Variants in TAF4B observed in about 807,000 individuals in gnomAD.
TAF4B encodes TATA-box binding protein associated factor 4b, also known as transcription initiation factor TFIID subunit 4B.
In TAF4B, 38 loss-of-function variants were observed where a neutral mutation model predicts 86.4. The observed-to-expected ratio is 0.44, with a 90% CI of 0.34 to 0.58. The LOEUF is 0.58. TAF4B is among the 20% of genes least tolerant of loss of function. The pLI is 0.02. For missense variants in TAF4B, 988 were observed against 1,027.6 expected, an observed-to-expected ratio of 0.96 and a Z score of 0.53; for synonymous variants, 388 against 391.2, an observed-to-expected ratio of 0.99 and a Z score of 0.10.
intron 13 of TAF4B, among the ~76,000 whole-genome samples, chr18:26,342,760 A>G (rs1453454738): frequency 1.3e-5 from 2 of 152,230 alleles, no homozygotes; most frequent in African/African-American, 4.8e-5. Flanking sequence ...CTGTGAAAAG[A>G]GAAATGAAGG....
chr18:26,330,918 C>G (rs1294874560), intron 12 of TAF4B, among the ~76,000 whole-genome samples: 1 of 152,214 alleles, frequency 6.6e-6, no homozygotes, highest in Non-Finnish European at 1.5e-5. Context: ...TATCCCCACC[C>G]CATTTCATTG....
At chr18:26,334,043 T>C (rs765871415) in intron 12 of TAF4B, among the ~76,000 whole-genome samples, 1 of 151,862 alleles carries the variant, frequency 6.6e-6, no homozygotes, top group Non-Finnish European at 1.5e-5. Context: ...TATTTTAATA[T>C]AAATACATAT....
intron 9 of TAF4B, among the ~76,000 whole-genome samples, chr18:26,299,929 ATTTC>A (rs1490119940): frequency 6.6e-6 from 1 of 151,864 alleles, no homozygotes; most frequent in Non-Finnish European, 1.5e-5. Flanking sequence ...AATTAATTTT[ATTTC>A]TTTATCCTTT....
rs532278726 is a variant in TAF4B at position 26,335,251 on chromosome 18, A to C, written c.2316+20A>C. 3.1e-5 allele frequency: 50 copies of C among 1,610,046 alleles called. No individual in the cohort carries two copies. Among genetic ancestry groups the C allele is most frequent in the Non-Finnish European group, 4.0e-5 (47 of 1,176,680 alleles). ...AAAGAGGTAGGACTTTCAAGTTACC[A>C]TGCTTGTCTTTGTGTTTGAGGGAAG... On this transcript the variant is annotated intron_variant, in intron 13 of 14. Coordinates refer to ENST00000269142, the MANE Select transcript of TAF4B (RefSeq NM_005640.3).
intron 13 of TAF4B, among the ~76,000 whole-genome samples, chr18:26,339,080 G>T (rs2057115835): frequency 6.6e-6 from 1 of 152,050 alleles, no homozygotes; most frequent in Non-Finnish European, 1.5e-5. Context: ...ATATGTCTGT[G>T]GATATTCCTG....
rs2057146208 is a variant in TAF4B, at chr18:26,342,751, T to C, written c.2316+7520T>C. Among the ~76,000 whole-genome samples, 3 of 152,206 alleles carry C rather than the reference T, an allele frequency of 2.0e-5. No homozygotes were observed. The South Asian group carries it at 6.2e-4, about 31-fold the overall frequency. On this transcript the variant is annotated intron_variant, in intron 13 of 14. Transcript: ENST00000269142. ...GACTTCTACTTCCTATCATAGAGAC[T>C]GTGAAAAGAGAAATGAAGGCTTCTG...
chr18:26,244,763 GA>G (rs1428174986), intron 1 of TAF4B, among the ~76,000 whole-genome samples: 1 of 152,214 alleles, frequency 6.6e-6, no homozygotes, highest in Non-Finnish European at 1.5e-5. Context: ...GAGCAACAGG[GA>G]CAGGGAGTGG....
intron 3 of TAF4B, among the ~76,000 whole-genome samples, chr18:26,271,799 C>T (rs546308582): frequency 1.2e-4 from 18 of 151,778 alleles, no homozygotes; most frequent in South Asian, 1.0e-3. Context: ...TGGTGGGGGG[C>T]GGCTCTCATC....
rs779626224 is a variant in TAF4B, at chr18:26,274,760, C to T, written c.695C>T (p.Thr232Ile). Residue 232 changes from threonine (T) to isoleucine (I), a missense_variant, in exon 4 of 15, where the codon ACT (threonine) becomes ATT (isoleucine). Physicochemically the swap from Thr to Ile is moderately conservative, Grantham distance 89. Coordinates refer to ENST00000269142, the MANE Select transcript of TAF4B (RefSeq NM_005640.3). Reference protein sequence around the residue: ...LKPSSLGASSTPSNEPNLKAE... With the variant: ...LKPSSLGASSIPSNEPNLKAE... ...CCTTCAAGTTTGGGAGCATCATCCA[C>T]TCCTTCAAATGAGCCCAATCTTAAA... The T allele has an allele frequency of 6.2e-7, 1 of 1,614,206 alleles. No individual in the cohort carries two copies. Among genetic ancestry groups the T allele is most frequent in the Admixed American group, 1.7e-5 (1 of 60,026 alleles).
chr18:26,258,225 G>A (rs1307093750), intron 1 of TAF4B, among the ~76,000 whole-genome samples: 1 of 150,798 alleles, frequency 6.6e-6, no homozygotes, highest in Non-Finnish European at 1.5e-5. Context: ...CTGCACTCAA[G>A]CCTGGTGACA....
rs149973671 is a variant in TAF4B, at chr18:26,329,144, A to G, written c.2259+2004A>G. 6.7e-3 allele frequency among the ~76,000 whole-genome samples: 1,007 copies of G among 151,168 alleles called. 9 individuals are homozygous for G. Among genetic ancestry groups the G allele is most frequent in the Non-Finnish European group, 9.1e-3 (617 of 67,714 alleles). On this transcript the variant is annotated intron_variant, in intron 12 of 14. Transcript: ENST00000269142. ...GTGATCGTGGCTCACTGCAGCCTTC[A>G]CCTCTCAGGCTCAAGCAATCCTCCC...
intron 1 of TAF4B, among the ~76,000 whole-genome samples, chr18:26,243,546 A>G (rs2055875530): frequency 6.6e-6 from 1 of 152,114 alleles, no homozygotes; most frequent in African/African-American, 2.4e-5. Flanking sequence ...AGCTCAGAGA[A>G]GTGTGTTATT....
chr18:26,278,120 C>T (rs563741992), intron 5 of TAF4B, among the ~76,000 whole-genome samples: 44 of 152,236 alleles, frequency 2.9e-4, no homozygotes, highest in African/African-American at 9.9e-4. Context: ...GCTAGTTTAG[C>T]GACTCAATTA....
At chr18:26,291,903 G>A (rs2056598257) in intron 7 of TAF4B, among the ~76,000 whole-genome samples, 1 of 151,994 alleles carries the variant, frequency 6.6e-6, no homozygotes, top group African/African-American at 2.4e-5. Context: ...GTTGAAGCTG[G>A]GTAATGGTAT....
At chr18:26,375,361 T>C (rs2057435618) in intron 14 of TAF4B, among the ~76,000 whole-genome samples, 1 of 152,224 alleles carries the variant, frequency 6.6e-6, no homozygotes, top group Admixed American at 6.5e-5. Flanking sequence ...TAAGTAATGC[T>C]GCTATGTACA....
chr18:26,307,057 G>A (rs2056802794), intron 9 of TAF4B, among the ~76,000 whole-genome samples: 1 of 151,942 alleles, frequency 6.6e-6, no homozygotes, highest in Non-Finnish European at 1.5e-5. Context: ...CCAAAGTGCT[G>A]GAATTACAGG....
chr18:26,315,126 C>CTG lies in TAF4B; in HGVS notation c.1833-102_1833-101insGT, dbSNP rs1568147828. The CTG allele has an allele frequency of 3.6e-5, 12 of 330,060 alleles. No individual in the cohort carries two copies. The African/African-American group carries it at 3.9e-4, about 11-fold the overall frequency. The allele number at this position is 330,060 out of a possible 1,614,324, so 20.4% of individuals were successfully genotyped here. A position where few individuals can be genotyped will look rare whatever the true frequency, so the allele number is the denominator to read the frequency against. ...TCTCTCTCTCTCTCTCTCTCTCTCTCTCTCTCTCTCTCTCTCTCTGTCTCT... is the reference window on the plus strand; with the variant it reads ...TCTCTCTCTCTCTCTCTCTCTCTCTCTGTCTCTCTCTCTCTCTCTCTGTCTCT... On this transcript the variant is annotated intron_variant, in intron 9 of 14. Coordinates refer to ENST00000269142, the MANE Select transcript of TAF4B (RefSeq NM_005640.3).
At position 26,242,681 on chromosome 18, in the gene TAF4B, G is replaced by C. The variant is rs141723856; in HGVS notation, c.343+15405G>C. ...GTTGATGCAGTTTCTTCCTAGCATC[G>C]ATGGTCTTTACAATTTGGCATGTTT... On this transcript the variant is annotated intron_variant, in intron 1 of 14. Coordinates refer to ENST00000269142, the MANE Select transcript of TAF4B (RefSeq NM_005640.3). Among the ~76,000 whole-genome samples, 551 of 152,282 alleles carry C rather than the reference G, an allele frequency of 3.6e-3. 2 individuals carry two copies. The highest frequency in any genetic ancestry group is 0.012 in the African/African-American group (517 of 41,552).
At chr18:26,302,170 A>G (rs902601037) in intron 9 of TAF4B, among the ~76,000 whole-genome samples, 13 of 152,082 alleles carry the variant, frequency 8.5e-5, no homozygotes, top group African/African-American at 3.1e-4. Flanking sequence ...TTTGTGTTAC[A>G]CATATCTACT....
Sources: allele counts gnomAD v4.1 joint callset (sites outside exome capture counted in the v4.1 genomes callset), GRCh38; gene constraint gnomAD v4.1.1; transcripts MANE v1.5; gene names NCBI Gene and HGNC (gene_info 2026-07-23, HGNC 2026-07-21).